The following GALNT5 variants were observed in gnomAD, a reference collection of about 807,000 sequenced individuals.
GALNT5 encodes the protein polypeptide N-acetylgalactosaminyltransferase 5, also known as UDP-GalNAc:polypeptide N-acetylgalactosaminyltransferase 5.
GALNT5 carries 72 observed loss-of-function variants against 85.4 expected under a neutral mutation model. The observed-to-expected ratio is 0.84, with a 90% CI of 0.70 to 1.03. GALNT5 has a LOEUF of 1.03. Ranked by LOEUF, GALNT5 falls within the 50% of genes least tolerant of loss-of-function variation. The pLI, the probability that GALNT5 is intolerant of heterozygous loss-of-function variation, is 0.00. For synonymous variants in GALNT5, 404 were observed against 397.0 expected (o/e 1.02, Z -0.21); for missense variants, 1,137 against 1,135.5 (o/e 1.00, Z -0.02).
chr2:157,284,560 G>C (rs954223280), intron 2 of GALNT5, 112 bp downstream of exon 2: 5 of 771,954 alleles, frequency 6.5e-6, no homozygotes, highest in Non-Finnish European at 8.7e-6. Flanking sequence ...CATAAACATC[G>C]TACAAATGCT....
At position 157,258,632 on chromosome 2, in the gene GALNT5, A is replaced by G. The variant is rs570752331; in HGVS notation, c.550A>G (p.Ile184Val). The G allele has an allele frequency of 2.4e-5, 38 of 1,613,762 alleles. 1 individual carries two copies. The highest frequency in any genetic ancestry group is 1.6e-4 in the South Asian group (15 of 91,034). ...IAAKGTQVVK[I>V]SVHMGRVSLK... ...AGCAAAAGGAACTCAGGTAGTCAAA[A>G]TATCAGTACACATGGGACGTGTCAG... Residue 184 changes from isoleucine (I) to valine (V), a missense_variant, in exon 1 of 10, where the codon ATA (isoleucine) becomes GTA (valine). Ile to Val is a conservative substitution (Grantham distance 29). Coordinates refer to ENST00000259056, the MANE Select transcript of GALNT5 (RefSeq NM_014568.3).
Position 157,314,896 on chromosome 2 carries a change from G to A in GALNT5, c.*3548G>A, listed in dbSNP as rs969027892. Among the ~76,000 whole-genome samples, 1 of 152,058 alleles carries A rather than the reference G, an allele frequency of 6.6e-6. No homozygotes were observed. Among genetic ancestry groups the A allele is most frequent in the Non-Finnish European group, 1.5e-5 (1 of 67,998 alleles). On this transcript the variant is annotated 3_prime_UTR_variant, in exon 10 of 10. Transcript: ENST00000259056. ...AGTTCAAGACCAGCCTGGGCAACAT[G>A]GTGAAACCCCGTCTCTACTAAAAAT...
chr2:157,289,502 T>A (rs1161738760), intron 3 of GALNT5, among the ~76,000 whole-genome samples: 1 of 152,180 alleles, frequency 6.6e-6, no homozygotes, highest in Non-Finnish European at 1.5e-5. Flanking sequence ...CTTTTCTATG[T>A]TATTTATGTT....
intron 1 of GALNT5, among the ~76,000 whole-genome samples, chr2:157,276,248 T>C (rs997561795): frequency 6.6e-6 from 1 of 152,234 alleles, no homozygotes; most frequent in Non-Finnish European, 1.5e-5. Context: ...GATTTTCACA[T>C]TGATGTTCAT....
intron 9 of GALNT5, among the ~76,000 whole-genome samples, chr2:157,309,842 A>G (rs1683530333): frequency 6.6e-6 from 1 of 152,176 alleles, no homozygotes; most frequent in South Asian, 2.1e-4. Flanking sequence ...TTATTGAGTT[A>G]TTCAGAAAGA....
At chr2:157,307,883 G>A (rs894634716) in intron 8 of GALNT5, among the ~76,000 whole-genome samples, 3 of 152,122 alleles carry the variant, frequency 2.0e-5, no homozygotes, top group African/African-American at 7.2e-5. Context: ...GAAGAAAAAT[G>A]TTTCAGAATT....
intron 1 of GALNT5, among the ~76,000 whole-genome samples, chr2:157,280,218 A>C (rs1574020411): frequency 6.6e-6 from 1 of 152,224 alleles, no homozygotes. Flanking sequence ...AAAACAGTGA[A>C]TATTACCTTC....
Position 157,314,115 on chromosome 2 carries a change from G to C in GALNT5, c.*2767G>C, listed in dbSNP as rs1334948190. ...ATTCTAGTGATAAACCTTTGGATGA[G>C]ACAGGTCCTAATCAGCACTGAATTC... On this transcript the variant is annotated 3_prime_UTR_variant, in exon 10 of 10. Transcript: ENST00000259056. 6.6e-6 allele frequency: 1 copy of C among 151,482 alleles called. No individual in the cohort carries two copies. The highest frequency in any genetic ancestry group is 1.5e-5 in the Non-Finnish European group (1 of 67,956). 9.4% of individuals were successfully genotyped at this position (151,482 alleles called of 1,614,324 possible).
At position 157,258,637 on chromosome 2, in the gene GALNT5, A is replaced by T; in HGVS notation, c.555A>T (p.Ser185=). 6.2e-7 allele frequency: 1 copy of T among 1,613,696 alleles called. No individual in the cohort carries two copies. Among genetic ancestry groups the T allele is most frequent in the Non-Finnish European group, 8.5e-7 (1 of 1,179,850 alleles). ...AAKGTQVVKI[S]VHMGRVSLKQ... Reference sequence around the variant, plus strand: ...AAGGAACTCAGGTAGTCAAAATATCAGTACACATGGGACGTGTCAGTTTAA... The same window carrying T: ...AAGGAACTCAGGTAGTCAAAATATCTGTACACATGGGACGTGTCAGTTTAA... The change falls in exon 1 of 10, where the codon TCA becomes TCT. Residue 185 remains serine, a synonymous_variant. Coordinates refer to ENST00000259056, the MANE Select transcript of GALNT5 (RefSeq NM_014568.3).
chr2:157,267,019 C>G (rs76611484), intron 1 of GALNT5, among the ~76,000 whole-genome samples: 4,265 of 152,248 alleles, frequency 0.028, 211 homozygotes, highest in African/African-American at 0.094. Flanking sequence ...GCTGCTACTG[C>G]AAAGTATGGC....
At position 157,300,756 on chromosome 2, in the gene GALNT5, C is replaced by G; in HGVS notation, c.2196C>G (p.Ser732=). 6.2e-7 allele frequency: 1 copy of G among 1,614,022 alleles called. No individual in the cohort carries two copies. The change falls in exon 7 of 10, where the codon TCC becomes TCG. Residue 732 remains serine (S), a synonymous_variant. Coordinates refer to ENST00000259056, the MANE Select transcript of GALNT5 (RefSeq NM_014568.3). ...GHIFRNDNPY[S]FPKDRMKTVE... is the part of the protein sequence containing the mutation. ...TATTCAGAAATGACAATCCATATTC[C>G]TTCCCCAAAGACCGGATGAAGACAG... is the stretch of plus-strand genomic sequence containing the variant.
chr2:157,288,363 T>A (rs1226135563), intron 3 of GALNT5, among the ~76,000 whole-genome samples: 2 of 152,230 alleles, frequency 1.3e-5, no homozygotes, highest in Non-Finnish European at 2.9e-5. Context: ...TGGCATTCCA[T>A]GCTTAATTTC....
chr2:157,314,933 CTGGGCATGGTGG>C lies in GALNT5; in HGVS notation c.*3591_*3602del, dbSNP rs1381153342. 1.3e-5 allele frequency among the ~76,000 whole-genome samples: 2 copies of C among 152,016 alleles called. No homozygotes were observed. The highest frequency in any genetic ancestry group is 4.8e-5 in the African/African-American group (2 of 41,394). On this transcript the variant is annotated 3_prime_UTR_variant, in exon 10 of 10. Coordinates refer to ENST00000259056, the MANE Select transcript of GALNT5 (RefSeq NM_014568.3). The stretch of plus-strand genomic sequence containing the variant: ...TCTCTACTAAAAATACAAAAATTAG[CTGGGCATGGTGG>C]TGGGCGCCTGTAATCCCAGCTACCT...
rs533819496 is a variant in GALNT5 at position 157,313,587 on chromosome 2, G to C, written c.*2239G>C. ...GTAATTCTTCATGTAACTAAAAAATGTTGAGAGGTTTTTTTCCCCCGGGTA... is the reference window on the plus strand; with the variant it reads ...GTAATTCTTCATGTAACTAAAAAATCTTGAGAGGTTTTTTTCCCCCGGGTA... On this transcript the variant is annotated 3_prime_UTR_variant, in exon 10 of 10. Transcript: ENST00000259056. 1 of 152,120 alleles carries C rather than the reference G, an allele frequency of 6.6e-6. No homozygotes were observed. The highest frequency in any genetic ancestry group is 1.5e-5 in the Non-Finnish European group (1 of 68,022). 9.4% of individuals were successfully genotyped at this position (152,120 alleles called of 1,614,324 possible).
chr2:157,289,100 C>G (rs1338486208), intron 3 of GALNT5, among the ~76,000 whole-genome samples: 2 of 151,474 alleles, frequency 1.3e-5, no homozygotes, highest in African/African-American at 4.9e-5. Context: ...AATACAGAAC[C>G]AAATATGGGT....
intron 1 of GALNT5, among the ~76,000 whole-genome samples, chr2:157,272,272 GGT>G (rs1168207894): frequency 2.0e-5 from 3 of 151,678 alleles, no homozygotes; most frequent in Non-Finnish European, 4.4e-5. Context: ...AAATTTTCCT[GGT>G]ATCCCACCTA....
intron 2 of GALNT5, 79 bp from the exon 3 acceptor site, chr2:157,285,936 T>C: frequency 3.0e-6 from 3 of 990,032 alleles, no homozygotes; most frequent in Non-Finnish European, 4.6e-6. Context: ...TTTTGGCATT[T>C]GACTTTGGGG....
chr2:157,265,027 C>T (rs1265889969), intron 1 of GALNT5, among the ~76,000 whole-genome samples: 1 of 152,098 alleles, frequency 6.6e-6, no homozygotes, highest in Non-Finnish European at 1.5e-5. Context: ...AAAAAAACCT[C>T]ATGAGATGAA....
At position 157,277,691 on chromosome 2, in the gene GALNT5, C is replaced by T. The variant is rs111439425; in HGVS notation, c.1455-6591C>T. On this transcript the variant is annotated intron_variant, in intron 1 of 9. Coordinates refer to ENST00000259056, the MANE Select transcript of GALNT5 (RefSeq NM_014568.3). Reference sequence around the variant, plus strand: ...TTTGCCTGGTAGATCCTCCTCCATCCCTTTATTTTGAGCCTATGTGTGTCT... The same window carrying T: ...TTTGCCTGGTAGATCCTCCTCCATCTCTTTATTTTGAGCCTATGTGTGTCT... 2.6e-3 allele frequency among the ~76,000 whole-genome samples: 400 copies of T among 152,252 alleles called. 1 individual carries two copies. The highest frequency in any genetic ancestry group is 6.3e-3 in the African/African-American group (262 of 41,552).
Sources: gnomAD v4.1 joint callset for allele counts (sites outside exome capture counted in the v4.1 genomes callset) on GRCh38, gnomAD v4.1.1 for gene constraint, MANE v1.5 for transcripts, NCBI Gene and HGNC (gene_info 2026-07-23, HGNC 2026-07-21) for gene names.